MED25: variants seen among roughly 807,000 people sequenced by gnomAD.
MED25 encodes the protein mediator complex subunit 25, also known as mediator of RNA polymerase II transcription subunit 25.
A neutral mutation model predicts 89.4 loss-of-function variants in MED25; 62 were observed. The ratio of observed to expected loss-of-function variants is 0.69; its 90% CI spans 0.57 to 0.86. The LOEUF (loss-of-function observed/expected upper bound fraction) is 0.86. Ranked by LOEUF, MED25 falls within the 40% of genes least tolerant of loss-of-function variation. The probability of loss-of-function intolerance (pLI) is 0.00; values close to 1 mark genes in which losing one functional copy is unlikely to be tolerated. For missense variants in MED25, 905 were observed against 1,005.2 expected (o/e 0.90, Z 1.35); for synonymous variants, 449 against 427.9 (o/e 1.05, Z -0.61).
intron 3 of MED25, among the ~76,000 whole-genome samples, chr19:49,822,149 G>A (rs1448161663): frequency 6.6e-6 from 1 of 150,702 alleles, no homozygotes; most frequent in East Asian, 2.0e-4. Context: ...TGCAGTCCCA[G>A]CTACTCGGGA....
chr19:49,835,429 T>C lies in MED25; in HGVS notation c.1675-105T>C, dbSNP rs980910673. ...CCAGACCACTCACCCCCAAAGAGAA[T>C]GTCCCCATCTCCTTACTAGTTCCCC... On this transcript the variant is annotated intron_variant, in intron 14 of 17. Transcript: ENST00000312865. This position sits in a 1 kb window ranked among gnomAD's most constrained non-coding sequence, Gnocchi z 6.2. The C allele has an allele frequency of 2.6e-6, 3 of 1,175,026 alleles. No homozygotes were observed. The highest frequency in any genetic ancestry group is 3.6e-6 in the Non-Finnish European group (3 of 835,582). The allele number at this position is 1,175,026 out of a possible 1,614,324, so 72.8% of individuals were successfully genotyped here.
Position 49,818,349 on chromosome 19 carries a change from C to T in MED25, c.8C>T (p.Pro3Leu). 1.9e-6 allele frequency: 3 copies of T among 1,593,280 alleles called. No homozygotes were observed. The highest frequency in any genetic ancestry group is 1.1e-5 in the South Asian group (1 of 89,658). MVPGSEGPARAGS... is the reference protein window; with the variant it reads MVLGSEGPARAGS... ...GCGGGTACCGCACGGGGTATGGTCC[C>T]CGGGTCCGAGGGCCCGGCCCGCGCC... The change falls in exon 1 of 18, where the codon CCC becomes CTC. Residue 3 changes from proline (P) to leucine (L), a missense_variant. Transcript: ENST00000312865.
intron 3 of MED25, chr19:49,819,804 C>G: frequency 5.1e-6 from 1 of 194,422 alleles, no homozygotes; most frequent in Non-Finnish European, 1.1e-5. Context: ...CAGGATAGAT[C>G]CCTCTGTGGC....
In MED25 at chr19:49,831,672, G is replaced by GA. The variant is rs2074058653; in HGVS notation, c.1230+215dup. Among the ~76,000 whole-genome samples the GA allele has an allele frequency of 6.6e-6, 1 of 152,240 alleles. No homozygotes were observed. Among genetic ancestry groups the GA allele is most frequent in the South Asian group, 2.1e-4 (1 of 4,824 alleles). On this transcript the variant is annotated intron_variant, in intron 10 of 17. Coordinates refer to ENST00000312865, the MANE Select transcript of MED25 (RefSeq NM_030973.4). The surrounding 1 kb of genome is among the most constrained non-coding windows in gnomAD (Gnocchi z 5.0). Reference sequence around the variant, plus strand: ...GGAGAGTCCCCATGCAAAGAACCCAGAAAAGCCCAGGATTTGGGGCCCAGA... The same window carrying GA: ...GGAGAGTCCCCATGCAAAGAACCCAGAAAAAGCCCAGGATTTGGGGCCCAGA...
intron 3 of MED25, 100 bp downstream of exon 3, chr19:49,819,396 T>G: frequency 7.1e-7 from 1 of 1,407,734 alleles, no homozygotes; most frequent in African/African-American, 1.5e-5. Flanking sequence ...AGGCTGTGAA[T>G]AAGTGATGGC....
intron 3 of MED25, among the ~76,000 whole-genome samples, chr19:49,826,289 G>C (rs149173791): frequency 1.3e-5 from 2 of 152,180 alleles, no homozygotes; most frequent in Non-Finnish European, 1.5e-5. Flanking sequence ...TGCAGTGAGC[G>C]GAGATGTGCC....
At position 49,829,105 on chromosome 19, in the gene MED25, G is replaced by A. The variant is rs1265065701; in HGVS notation, c.525+15G>A. The stretch of plus-strand genomic sequence containing the variant: ...AGATTGGGGAGGTGAGGACTCCAGG[G>A]TCTGAGGGACGAGGGTCTGGGGGCC... On this transcript the variant is annotated intron_variant, in intron 5 of 17. Coordinates refer to ENST00000312865, the MANE Select transcript of MED25 (RefSeq NM_030973.4). The surrounding 1 kb of genome is among the most constrained non-coding windows in gnomAD (Gnocchi z 4.6). 1.2e-6 allele frequency: 2 copies of A among 1,611,150 alleles called. No homozygotes were observed. The highest frequency in any genetic ancestry group is 1.7e-6 in the Non-Finnish European group (2 of 1,178,704).
chr19:49,840,335 TTA>T (rs2074124948), downstream of MED25: 1 of 152,270 alleles, frequency 6.6e-6, no homozygotes, highest in Non-Finnish European at 1.5e-5. Flanking sequence ...CATGTTTGTA[TTA>T]TGTTCCATGC....
At chr19:49,838,513 G>T (rs2074114934), downstream of MED25, 1 of 453,662 alleles carries the variant, frequency 2.2e-6, no homozygotes. Context: ...GGTTTGCACT[G>T]TGGTTGTTCT....
chr19:49,822,527 G>T (rs1260015514), intron 3 of MED25, among the ~76,000 whole-genome samples: 1 of 151,826 alleles, frequency 6.6e-6, no homozygotes, highest in East Asian at 1.9e-4. Flanking sequence ...CTCCACTTCA[G>T]TGTCCCTAAG....
intron 3 of MED25, among the ~76,000 whole-genome samples, chr19:49,822,848 T>C (rs560173174): frequency 6.6e-6 from 1 of 151,948 alleles, no homozygotes; most frequent in Admixed American, 6.6e-5. Context: ...AGGGTTTCAC[T>C]GTGTTAGCCG....
Position 49,835,968 on chromosome 19 carries a change from C to T in MED25, c.1965+23C>T, listed in dbSNP as rs528639877. The T allele has an allele frequency of 4.3e-6, 7 of 1,612,150 alleles. No homozygotes were observed. The highest frequency in any genetic ancestry group is 4.0e-5 in the African/African-American group (3 of 75,004). On this transcript the variant is annotated intron_variant, in intron 16 of 17. Coordinates refer to ENST00000312865, the MANE Select transcript of MED25 (RefSeq NM_030973.4). This position sits in a 1 kb window ranked among gnomAD's most constrained non-coding sequence, Gnocchi z 6.2. ...CCGGTGAGATGTTGGGGTGGGGTAG[C>T]GAGAGTTCCAGATCCTGGCCCTGGT...
rs369117035 is a variant in MED25, at chr19:49,829,893, A to T, written c.633A>T (p.Thr211=). 2.4e-5 allele frequency: 38 copies of T among 1,613,360 alleles called. 3 individuals are homozygous for T. The Admixed American group carries it at 2.7e-4, about 11-fold the overall frequency. The change falls in exon 6 of 18, where the codon ACA becomes ACT. Residue 211 remains threonine, a synonymous_variant. Transcript: ENST00000312865. This position sits in a 1 kb window ranked among gnomAD's most constrained non-coding sequence, Gnocchi z 4.6. ...TGCTGGAGCCGCTGCAGCCTCCGACAGATGTGAGCCAGGACCCGAGGCACA... is the reference window on the plus strand; with the variant it reads ...TGCTGGAGCCGCTGCAGCCTCCGACTGATGTGAGCCAGGACCCGAGGCACA... ...PALLEPLQPP[T]DVSQDPRHMV...
Position 49,834,029 on chromosome 19 carries a change from C to T in MED25, c.1483-957C>T, listed in dbSNP as rs1337078190. 6.6e-6 allele frequency: 1 copy of T among 152,268 alleles called. No homozygotes were observed. The highest frequency in any genetic ancestry group is 1.9e-4 in the East Asian group (1 of 5,204). 9.4% of individuals were successfully genotyped at this position (152,268 alleles called of 1,614,324 possible). On this transcript the variant is annotated intron_variant, in intron 13 of 17. Transcript: ENST00000312865. The surrounding 1 kb of genome is among the most constrained non-coding windows in gnomAD (Gnocchi z 4.1). ...TCTCCTTTATAGTCACAAGGTAGCT[C>T]TCATGGCTCCACGCATCCTGTGTGC...
intron 3 of MED25, among the ~76,000 whole-genome samples, chr19:49,820,328 A>G (rs1490627282): frequency 6.6e-6 from 1 of 152,186 alleles, no homozygotes; most frequent in Non-Finnish European, 1.5e-5. Flanking sequence ...ATACAGAGGC[A>G]GAACAAAAAC....
At position 49,829,855 on chromosome 19, in the gene MED25, GC is replaced by G. The variant is rs748546983; in HGVS notation, c.602del (p.Pro201ArgfsTer13). Reference sequence around the variant, plus strand: ...GCTTCGGCTTCTGTTTGAGAAGGCAGCCCCCCCGGCCTTGCTGGAGCCGCTG... The same window carrying G: ...GCTTCGGCTTCTGTTTGAGAAGGCAGCCCCCCGGCCTTGCTGGAGCCGCTG... Reference protein sequence around the residue: ...PALRLLFEKAAPPALLEPLQP... With the variant: ...PALRLLFEKAXPPALLEPLQP... On this transcript the variant is annotated frameshift_variant, in exon 6 of 18. Transcript: ENST00000312865. LOFTEE classifies it high-confidence loss of function. This position sits in a 1 kb window ranked among gnomAD's most constrained non-coding sequence, Gnocchi z 4.6. 10 of 1,612,090 alleles carry G rather than the reference GC, an allele frequency of 6.2e-6. No individual in the cohort carries two copies. The highest frequency in any genetic ancestry group is 2.7e-5 in the African/African-American group (2 of 74,982).
At position 49,830,247 on chromosome 19, in the gene MED25, T is replaced by C. The variant is rs768438461; in HGVS notation, c.819+29T>C. Reference sequence around the variant, plus strand: ...TGGATATTTCCGGGAAGGGACATGCTTCTGGGGACTTGCTGGAGCCCTGGC... The same window carrying C: ...TGGATATTTCCGGGAAGGGACATGCCTCTGGGGACTTGCTGGAGCCCTGGC... On this transcript the variant is annotated intron_variant, in intron 7 of 17. Transcript: ENST00000312865. The surrounding 1 kb of genome is among the most constrained non-coding windows in gnomAD (Gnocchi z 4.6). 1 of 1,602,376 alleles carries C rather than the reference T, an allele frequency of 6.2e-7. No homozygotes were observed. The highest frequency in any genetic ancestry group is 1.1e-5 in the South Asian group (1 of 90,738).
chr19:49,823,999 C>T (rs1425399149), intron 3 of MED25, among the ~76,000 whole-genome samples: 1 of 152,102 alleles, frequency 6.6e-6, no homozygotes, highest in Non-Finnish European at 1.5e-5. Flanking sequence ...CATTTGAGAC[C>T]ACTGGGAGAG....
chr19:49,822,784 A>G (rs2073992354), intron 3 of MED25, among the ~76,000 whole-genome samples: 1 of 150,904 alleles, frequency 6.6e-6, no homozygotes, highest in Admixed American at 6.6e-5. Context: ...AGTAGCTGGG[A>G]CTACAGGTGC....
Sources: allele counts gnomAD v4.1 joint callset (sites outside exome capture counted in the v4.1 genomes callset), GRCh38; gene constraint gnomAD v4.1.1; non-coding constraint Gnocchi (gnomAD v3.1); transcripts MANE v1.5; gene names NCBI Gene and HGNC (gene_info 2026-07-23, HGNC 2026-07-21).